The following TSPEAR variants were observed in gnomAD, a reference collection of about 807,000 sequenced individuals.
TSPEAR encodes thrombospondin-type laminin G domain and EAR repeat-containing protein.
A neutral mutation model predicts 71.6 loss-of-function variants in TSPEAR; 69 were observed. The ratio of observed to expected loss-of-function variants is 0.96; its 90% CI spans 0.79 to 1.18. TSPEAR has a LOEUF of 1.18. TSPEAR is among the 50% of genes most tolerant of loss of function. The pLI is 0.00. For synonymous variants in TSPEAR, 402 were observed against 387.2 expected (o/e 1.04, Z -0.45); for missense variants, 971 against 894.9 (o/e 1.09, Z -1.09).
chr21:44,631,158 C>T (rs948034809), intron 1 of TSPEAR, among the ~76,000 whole-genome samples: 1 of 151,722 alleles, frequency 6.6e-6, no homozygotes, highest in Admixed American at 6.6e-5. Flanking sequence ...TTTCCATTAA[C>T]TCTTTTAAAT....
At chr21:44,531,792 A>G (rs1368386068) in intron 3 of TSPEAR, among the ~76,000 whole-genome samples, 2 of 152,182 alleles carry the variant, frequency 1.3e-5, no homozygotes, top group Non-Finnish European at 2.9e-5. Context: ...CTGGTGACCC[A>G]TGAGGGTGTC....
intron 1 of TSPEAR, among the ~76,000 whole-genome samples, chr21:44,669,823 A>T (rs947259085): frequency 6.6e-6 from 1 of 152,140 alleles, no homozygotes; most frequent in African/African-American, 2.4e-5. Flanking sequence ...TAACAAACAA[A>T]TTGTGGAATA....
intron 1 of TSPEAR, among the ~76,000 whole-genome samples, chr21:44,705,471 T>G (rs2146336283): frequency 6.6e-6 from 1 of 152,348 alleles, no homozygotes; most frequent in East Asian, 1.9e-4. Context: ...TTTCTCTTCT[T>G]TCAAAAGCAA....
At chr21:44,648,344 C>T (rs919583942) in intron 1 of TSPEAR, among the ~76,000 whole-genome samples, 11 of 152,240 alleles carry the variant, frequency 7.2e-5, no homozygotes, top group African/African-American at 2.4e-4. Context: ...GCTGGGAGGG[C>T]CCAGGGAAGA....
chr21:44,599,134 T>TTCTCTCCCTCTCTCTCTC (rs1980577167), intron 1 of TSPEAR, among the ~76,000 whole-genome samples: 2 of 92,280 alleles, frequency 2.2e-5, no homozygotes, highest in Non-Finnish European at 4.8e-5. Context: ...GGCCCCCATT[T>TTCTCTCCCTCTCTCTCTC]TCTCTCTCTC....
intron 1 of TSPEAR, among the ~76,000 whole-genome samples, chr21:44,689,739 A>ATTTTTTTTTTTTTTTTTTTTTTTTTT (rs1420649057): frequency 7.8e-6 from 1 of 128,172 alleles, no homozygotes; most frequent in African/African-American, 3.2e-5. Context: ...ATATATATAT[A>ATTTTTTTTTTTTTTTTTTTTTTTTTT]TTTTGGGGGG....
chr21:44,506,279 C>T lies in TSPEAR; in HGVS notation c.1755-1398G>A, dbSNP rs1471777741. ...GGATCCTTTCCTCCCCAGGAGCCCACCTGCCGAGCTGTCAGCGTCAGCCCC... is the reference window on the plus strand; with the variant it reads ...GGATCCTTTCCTCCCCAGGAGCCCATCTGCCGAGCTGTCAGCGTCAGCCCC... On this transcript the variant is annotated intron_variant, in intron 10 of 11. Transcript: ENST00000323084. The surrounding 1 kb of genome is among the most constrained non-coding windows in gnomAD (Gnocchi z 4.2). 6.6e-6 allele frequency among the ~76,000 whole-genome samples: 1 copy of T among 152,242 alleles called. No individual in the cohort carries two copies. Among genetic ancestry groups the T allele is most frequent in the Non-Finnish European group, 1.5e-5 (1 of 68,036 alleles).
intron 1 of TSPEAR, among the ~76,000 whole-genome samples, chr21:44,670,518 C>T (rs782314416): frequency 2.4e-4 from 36 of 152,136 alleles, no homozygotes; most frequent in Non-Finnish European, 4.7e-4. Context: ...TAGAATCAGT[C>T]GGGAGCCCAC....
At chr21:44,578,001 G>T (rs1555924171) in intron 1 of TSPEAR, among the ~76,000 whole-genome samples, 1 of 152,156 alleles carries the variant, frequency 6.6e-6, no homozygotes, top group African/African-American at 2.4e-5. Flanking sequence ...GTTTTATACA[G>T]GGGAGTTTCC....
chr21:44,592,579 C>G (rs1601459731), intron 1 of TSPEAR: 1 of 1,516,344 alleles, frequency 6.6e-7, no homozygotes, highest in East Asian at 2.3e-5. Context: ...TCCCCGGGCC[C>G]ACAGCTTCCC....
chr21:44,658,290 G>C, intron 1 of TSPEAR: 1 of 1,610,478 alleles, frequency 6.2e-7, no homozygotes. Context: ...CCTGGTACAC[G>C]GGGGTACACA....
chr21:44,684,044 C>T (rs1283015931), intron 1 of TSPEAR, among the ~76,000 whole-genome samples: 2 of 152,192 alleles, frequency 1.3e-5, no homozygotes, highest in African/African-American at 4.8e-5. Flanking sequence ...CCAGGCACAT[C>T]ATGAAGTGAT....
intron 1 of TSPEAR, chr21:44,690,513 C>T: frequency 1.0e-6 from 1 of 979,486 alleles, no homozygotes; most frequent in Non-Finnish European, 1.2e-6. Context: ...CATCAGACAT[C>T]TCATCAGCAG....
chr21:44,608,811 T>C (rs1399805424), intron 1 of TSPEAR, among the ~76,000 whole-genome samples: 2 of 152,262 alleles, frequency 1.3e-5, no homozygotes, highest in African/African-American at 4.8e-5. Context: ...AGAAAGTTGT[T>C]GGTATATGCT....
chr21:44,528,367 T>A lies in TSPEAR; in HGVS notation c.922+85A>T, dbSNP rs1364020783. 20 of 1,566,588 alleles carry A rather than the reference T, an allele frequency of 1.3e-5. No homozygotes were observed. The East Asian group carries it at 4.5e-4, about 35-fold the overall frequency. On this transcript the variant is annotated intron_variant, in intron 6 of 11. Coordinates refer to ENST00000323084, the MANE Select transcript of TSPEAR (RefSeq NM_144991.3). ...TGAGGTCATTCAGAGGTGGCTGAGG[T>A]GCCCCCTCTCCTAGCCTCCACTCCC...
chr21:44,675,885 G>C (rs1427987052), intron 1 of TSPEAR: 3 of 725,192 alleles, frequency 4.1e-6, no homozygotes, highest in Non-Finnish European at 5.1e-6. Flanking sequence ...GGCTGTACTT[G>C]AGTGGTTCTT....
chr21:44,653,103 A>G (rs1416785018), intron 1 of TSPEAR, among the ~76,000 whole-genome samples: 4 of 152,180 alleles, frequency 2.6e-5, no homozygotes, highest in Non-Finnish European at 5.9e-5. Flanking sequence ...GCTTGCAGTG[A>G]GCTGAGATCA....
chr21:44,502,888 G>A (rs587633595), intron 11 of TSPEAR, among the ~76,000 whole-genome samples: 31 of 150,342 alleles, frequency 2.1e-4, no homozygotes, highest in African/African-American at 7.3e-4. Flanking sequence ...GCCGGCCTCG[G>A]TGAGCCCTCG....
intron 1 of TSPEAR, among the ~76,000 whole-genome samples, chr21:44,649,147 C>CGGGGGAGGGTGTCTGTA (rs1984620133): frequency 6.6e-6 from 1 of 152,196 alleles, no homozygotes; most frequent in Non-Finnish European, 1.5e-5. Flanking sequence ...TCCTGGGGAC[C>CGGGGGAGGGTGTCTGTA]GGGGGAGGGT....
Sources: gnomAD v4.1 joint callset for allele counts (sites outside exome capture counted in the v4.1 genomes callset) on GRCh38, gnomAD v4.1.1 for gene constraint, Gnocchi (gnomAD v3.1) non-coding constraint, MANE v1.5 for transcripts, NCBI Gene and HGNC (gene_info 2026-07-23, HGNC 2026-07-21) for gene names.